PPAT: variants seen among roughly 807,000 people sequenced by gnomAD.
The protein encoded by PPAT is phosphoribosyl pyrophosphate amidotransferase.
A neutral mutation model predicts 60.2 loss-of-function variants in PPAT; 20 were observed. The observed-to-expected ratio is 0.33, with a 90% CI of 0.23 to 0.48. The LOEUF (loss-of-function observed/expected upper bound fraction) is 0.48, where lower values mean the gene tolerates loss of function less well. PPAT is among the 20% of genes least tolerant of loss of function. PPAT has a pLI of 0.99. For missense variants in PPAT, 349 were observed against 629.6 expected, an observed-to-expected ratio of 0.55 and a Z score of 4.77; for synonymous variants, 194 against 215.1, an observed-to-expected ratio of 0.90 and a Z score of 0.86.
At chr4:56,397,017 C>T (rs905732000) in intron 9 of PPAT, 11 of 226,408 alleles carry the variant, frequency 4.9e-5, no homozygotes, top group Admixed American at 3.3e-4. Context: ...CTTATCTTAC[C>T]ATTTTAAAAA....
chr4:56,431,784 T>C (rs1195280412), intron 1 of PPAT, among the ~76,000 whole-genome samples: 16 of 152,202 alleles, frequency 1.1e-4, no homozygotes, highest in Admixed American at 1.0e-3. Context: ...GTTTTAAAGA[T>C]GAAAATGTTT....
intron 1 of PPAT, among the ~76,000 whole-genome samples, chr4:56,415,306 G>A (rs565729606): frequency 6.6e-6 from 1 of 152,230 alleles, no homozygotes; most frequent in East Asian, 1.9e-4. Flanking sequence ...ATACTTATCC[G>A]CCTCCCAATT....
chr4:56,402,188 A>G lies in PPAT; in HGVS notation c.662-7T>C. 3.1e-6 allele frequency: 5 copies of G among 1,593,340 alleles called. No homozygotes were observed. Among genetic ancestry groups the G allele is most frequent in the Non-Finnish European group, 4.3e-6 (5 of 1,163,138 alleles). On this transcript the variant is annotated splice_polypyrimidine_tract_variant and splice_region_variant and intron_variant, in intron 5 of 10. Coordinates refer to ENST00000264220, the MANE Select transcript of PPAT (RefSeq NM_002703.5). ...GTTTCTGATGTTTTTTTCTCTGTAA[A>G]TCACAAATCAATTCAATTAATGGAT...
At position 56,406,623 on chromosome 4, in the gene PPAT, T is replaced by C. The variant is rs769833390; in HGVS notation, c.274A>G (p.Thr92Ala). ...LYVSNLGIGH[T>A]RYATTGKCEL... is the part of the protein sequence containing the mutation. ...CATTTTCCTGTGGTGGCATACCTGGTGTGTCCAATTCCAAGATTTGAAACA... is the reference window on the plus strand; with the variant it reads ...CATTTTCCTGTGGTGGCATACCTGGCGTGTCCAATTCCAAGATTTGAAACA... Residue 92 changes from threonine to alanine, a missense_variant, in exon 3 of 11, where the codon ACC becomes GCC. Physicochemically the swap from Thr to Ala is moderately conservative, Grantham distance 58 (BLOSUM62 0). Transcript: ENST00000264220. 3.3e-5 allele frequency: 54 copies of C among 1,613,150 alleles called. No homozygotes were observed. Among genetic ancestry groups the C allele is most frequent in the Non-Finnish European group, 4.1e-5 (48 of 1,179,204 alleles).
rs1201049567 is a variant in PPAT, at chr4:56,395,059, T to C, written c.*293A>G. On this transcript the variant is annotated 3_prime_UTR_variant, in exon 11 of 11. Coordinates refer to ENST00000264220, the MANE Select transcript of PPAT (RefSeq NM_002703.5). Reference sequence around the variant, plus strand: ...AACTTCTTGCAAACCCTTTAAAGCATGGACTTGGGAAATGTCAGTGACCAC... The same window carrying C: ...AACTTCTTGCAAACCCTTTAAAGCACGGACTTGGGAAATGTCAGTGACCAC... 6.5e-6 allele frequency: 2 copies of C among 307,976 alleles called. No homozygotes were observed. Among genetic ancestry groups the C allele is most frequent in the Non-Finnish European group, 1.2e-5 (2 of 168,884 alleles). 19.1% of individuals were successfully genotyped at this position (307,976 alleles called of 1,614,324 possible). A position where few individuals can be genotyped will look rare whatever the true frequency, so the allele number is the denominator to read the frequency against.
At position 56,406,573 on chromosome 4, in the gene PPAT, G is replaced by A. The variant is rs777453865; in HGVS notation, c.324C>T (p.Phe108=). 6.8e-6 allele frequency: 11 copies of A among 1,613,562 alleles called. No homozygotes were observed. The African/African-American group carries it at 8.0e-5, about 12-fold the overall frequency. ...GKCELENCQP[F]VVETLHGKIA... ...TCTTCCCATGAAGTGTTTCAACAAC[G>A]AAGGGCTGACAATTTTCTAGTTCAC... Residue 108 remains phenylalanine, a synonymous_variant, in exon 3 of 11, where the codon TTC becomes TTT. Transcript: ENST00000264220.
chr4:56,407,584 C>G (rs1716277477), intron 2 of PPAT, 66 bp downstream of exon 2: 1 of 1,352,356 alleles, frequency 7.4e-7, no homozygotes, highest in Non-Finnish European at 1.1e-6. Flanking sequence ...TGCCAAAGTC[C>G]TGGGATTACA....
At chr4:56,434,617 C>A (rs1185079122) in intron 1 of PPAT, among the ~76,000 whole-genome samples, 1 of 152,162 alleles carries the variant, frequency 6.6e-6, no homozygotes, top group Non-Finnish European at 1.5e-5. Flanking sequence ...CCCCTGTCCC[C>A]CTTTTGAAGA....
intron 1 of PPAT, among the ~76,000 whole-genome samples, chr4:56,418,371 G>C (rs1208146191): frequency 1.3e-5 from 2 of 152,038 alleles, no homozygotes. Context: ...CCAAGCTGGA[G>C]TGCAGTGGTG....
chr4:56,395,956 T>G (rs569518963), intron 10 of PPAT, among the ~76,000 whole-genome samples: 1 of 152,198 alleles, frequency 6.6e-6, no homozygotes, highest in African/African-American at 2.4e-5. Context: ...AGAGTTTTTA[T>G]GATAATATAG....
intron 1 of PPAT, chr4:56,422,825 T>C (rs1717110310): frequency 6.6e-6 from 1 of 152,172 alleles, no homozygotes; most frequent in Non-Finnish European, 1.5e-5. Flanking sequence ...ATGGAAGCAA[T>C]GTTCCCCATC....
intron 1 of PPAT, 25 bp downstream of exon 1, chr4:56,435,325 C>A (rs1473689664): frequency 6.2e-7 from 1 of 1,612,774 alleles, no homozygotes. Flanking sequence ...ACGCACGCCC[C>A]CGCCACCCCC....
At chr4:56,417,583 C>T (rs1035158106) in intron 1 of PPAT, among the ~76,000 whole-genome samples, 2 of 152,110 alleles carry the variant, frequency 1.3e-5, no homozygotes. Flanking sequence ...GAGTTCGAGA[C>T]TAGCCTGGGC....
At chr4:56,407,982 A>G in intron 1 of PPAT, 1 of 340,468 alleles carries the variant, frequency 2.9e-6, no homozygotes, top group Non-Finnish European at 5.5e-6. Flanking sequence ...TTGTAAAAAT[A>G]AATAATTTAA....
intron 1 of PPAT, among the ~76,000 whole-genome samples, chr4:56,409,284 A>T (rs1437959691): frequency 6.6e-6 from 1 of 152,214 alleles, no homozygotes; most frequent in African/African-American, 2.4e-5. Flanking sequence ...CCAACTGCAG[A>T]ATTTATGCTT....
chr4:56,398,709 C>T (rs1180870441), intron 9 of PPAT, among the ~76,000 whole-genome samples: 5 of 152,152 alleles, frequency 3.3e-5, no homozygotes, highest in African/African-American at 9.7e-5. Flanking sequence ...CTCAGCCTCC[C>T]AAAGTGCTGG....
At chr4:56,418,314 T>C (rs1716875469) in intron 1 of PPAT, among the ~76,000 whole-genome samples, 1 of 152,012 alleles carries the variant, frequency 6.6e-6, no homozygotes. Flanking sequence ...AAAAAACTTA[T>C]TTTATTTTAT....
chr4:56,435,599 G>T lies in PPAT; in HGVS notation c.-122C>A. ...CTCGCGACAGGCTCTTCCTTCCCGAGGGTGGCCCCAGCTACTGCGGCGGCG... is the reference window on the plus strand; with the variant it reads ...CTCGCGACAGGCTCTTCCTTCCCGATGGTGGCCCCAGCTACTGCGGCGGCG... On this transcript the variant is annotated 5_prime_UTR_variant, in exon 1 of 11. Coordinates refer to ENST00000264220, the MANE Select transcript of PPAT (RefSeq NM_002703.5). The T allele has an allele frequency of 3.2e-6, 5 of 1,543,868 alleles. No individual in the cohort carries two copies. The South Asian group carries it at 4.8e-5, about 15-fold the overall frequency.
At chr4:56,414,602 T>G (rs759566403) in intron 1 of PPAT, among the ~76,000 whole-genome samples, 29 of 152,242 alleles carry the variant, frequency 1.9e-4, no homozygotes, top group South Asian at 8.3e-4. Flanking sequence ...GGATTCATGC[T>G]GTGGAATGAG....
Sources: allele counts gnomAD v4.1 joint callset (sites outside exome capture counted in the v4.1 genomes callset), GRCh38; gene constraint gnomAD v4.1.1; transcripts MANE v1.5; gene names NCBI Gene and HGNC (gene_info 2026-07-23, HGNC 2026-07-21).